Variants in XK observed in about 807,000 individuals in gnomAD.
XK encodes the protein X-linked Kx blood group antigen, Kell and VPS13A binding protein, also known as endoplasmic reticulum membrane adapter protein XK.
Under a neutral mutation model 14.0 loss-of-function variants are expected in XK, and 2 were observed. The ratio of observed to expected loss-of-function variants is 0.14; its 90% CI spans 0.06 to 0.45. The LOEUF is 0.45. XK is among the 20% of genes least tolerant of loss of function. The pLI, the probability that XK is intolerant of heterozygous loss-of-function variation, is 0.98. For synonymous variants in XK, 149 were observed against 147.5 expected, an observed-to-expected ratio of 1.01 and a Z score of -0.08; for missense variants, 235 against 341.5, an observed-to-expected ratio of 0.69 and a Z score of 2.46.
chrX:37,718,207 C>T (rs897959427), intron 2 of XK, among the ~76,000 whole-genome samples: 3 of 111,276 alleles, frequency 2.7e-5, no homozygotes, highest in African/African-American at 9.8e-5. Context: ...TCAGAATCCC[C>T]AAAAGACTCC....
chrX:37,726,997 C>T (rs781838591), intron 2 of XK, among the ~76,000 whole-genome samples: 106 of 111,811 alleles, frequency 9.5e-4, no homozygotes, highest in African/African-American at 3.3e-3. Flanking sequence ...TTTGGTTGGT[C>T]GGTCTTGATT....
intron 2 of XK, among the ~76,000 whole-genome samples, chrX:37,708,506 C>A: frequency 8.9e-6 from 1 of 112,311 alleles, no homozygotes; most frequent in South Asian, 3.7e-4. Flanking sequence ...TGTAAGACAA[C>A]AAACATTTGT....
At chrX:37,717,291 G>A (rs190107340) in intron 2 of XK, among the ~76,000 whole-genome samples, 1 of 111,656 alleles carries the variant, frequency 9.0e-6, no homozygotes, top group East Asian at 2.8e-4. Flanking sequence ...TTAAGGCTAC[G>A]ATTCTGGAGC....
rs1421722664 is a variant in XK, at chrX:37,688,260, G to A, written c.245+2054G>A. ...TTTTTGTATTTTTAGTAGAGACGGG[G>A]TTTCACCGTGCCAGCCAGGATGGTC... On this transcript the variant is annotated intron_variant, in intron 1 of 2. Coordinates refer to ENST00000378616, the MANE Select transcript of XK (RefSeq NM_021083.4). Among the ~76,000 whole-genome samples, 8 of 108,889 alleles carry A rather than the reference G, an allele frequency of 7.3e-5. No homozygotes were observed. In the Admixed American group the frequency reaches 7.9e-4, roughly 11 times the overall value. The allele number at this position is 108,889 out of a possible 115,157, so 94.6% of individuals were successfully genotyped here. A position where few individuals can be genotyped will look rare whatever the true frequency, so the allele number is the denominator to read the frequency against.
chrX:37,686,919 A>G (rs1569472234), intron 1 of XK, among the ~76,000 whole-genome samples: 1 of 112,172 alleles, frequency 8.9e-6, no homozygotes, highest in Non-Finnish European at 1.9e-5. Flanking sequence ...AATTTTTATT[A>G]ACACAAAGCA....
chrX:37,698,569 A>AAG (rs1927348588), intron 2 of XK, among the ~76,000 whole-genome samples: 1 of 102,317 alleles, frequency 9.8e-6, no homozygotes. Flanking sequence ...AAAAAAAAAA[A>AAG]GAGGAGGAAA....
chrX:37,715,104 GTA>G (rs1182651525), intron 2 of XK, among the ~76,000 whole-genome samples: 15 of 108,619 alleles, frequency 1.4e-4, no homozygotes, highest in African/African-American at 4.0e-4. Flanking sequence ...GTGTGTGTGT[GTA>G]TATATATATA....
chrX:37,699,225 A>ATATGAAGG (rs1342153745), intron 2 of XK, among the ~76,000 whole-genome samples: 5 of 112,159 alleles, frequency 4.5e-5, no homozygotes, highest in African/African-American at 1.6e-4. Context: ...GATTGATTGG[A>ATATGAAGG]TATGAAGGTG....
chrX:37,708,352 G>C (rs1927592841), intron 2 of XK, among the ~76,000 whole-genome samples: 1 of 111,669 alleles, frequency 9.0e-6, no homozygotes, highest in Non-Finnish European at 1.9e-5. Flanking sequence ...GGAGGGAAGA[G>C]GCAGGAGCCA....
chrX:37,720,115 T>C (rs1556448565), intron 2 of XK, among the ~76,000 whole-genome samples: 3 of 111,505 alleles, frequency 2.7e-5, no homozygotes, highest in African/African-American at 9.8e-5. Flanking sequence ...GGCCTGAATG[T>C]CAATATTTGC....
Position 37,718,905 on chromosome X carries a change from G to A in XK, c.509-8731G>A, listed in dbSNP as rs537871419. Among the ~76,000 whole-genome samples, 18 of 110,836 alleles carry A rather than the reference G, an allele frequency of 1.6e-4. No individual in the cohort carries two copies. The South Asian group carries it at 6.4e-3, about 40-fold the overall frequency. ...GTGAAATGACTGTTCAGGTATTTTC[G>A]CTCATTACAAAACTGAGTTGTATTT... is the stretch of plus-strand genomic sequence containing the variant. On this transcript the variant is annotated intron_variant, in intron 2 of 2. Transcript: ENST00000378616.
chrX:37,699,523 TG>T lies in XK; in HGVS notation c.508+4982del, dbSNP rs782642271. 2.7e-5 allele frequency among the ~76,000 whole-genome samples: 3 copies of T among 111,466 alleles called. No individual in the cohort carries two copies. The South Asian group carries it at 1.1e-3, about 43-fold the overall frequency. On this transcript the variant is annotated intron_variant, in intron 2 of 2. Coordinates refer to ENST00000378616, the MANE Select transcript of XK (RefSeq NM_021083.4). ...AAGTAAAACTGGTTTTATTACAGCA[TG>T]GGGGGGTGACATTTGAACCTCTACT...
At chrX:37,695,450 A>C (rs1556442352) in intron 2 of XK, among the ~76,000 whole-genome samples, 3 of 111,134 alleles carry the variant, frequency 2.7e-5, no homozygotes, top group South Asian at 7.5e-4. Flanking sequence ...AAAAAAAAAA[A>C]CACTATTTGC....
chrX:37,727,255 C>T (rs1457863428), intron 2 of XK, among the ~76,000 whole-genome samples: 1 of 111,424 alleles, frequency 9.0e-6, no homozygotes, highest in East Asian at 2.8e-4. Context: ...TATCACCATG[C>T]GTGACTAGAA....
In XK at chrX:37,728,059, C is replaced by A. The variant is rs782799321; in HGVS notation, c.932C>A (p.Ser311Tyr). The A allele has an allele frequency of 2.5e-6, 3 of 1,211,488 alleles. No individual in the cohort carries two copies. In the Admixed American group the frequency reaches 6.5e-5, roughly 26 times the overall value. Residue 311 changes from serine to tyrosine, a missense_variant, in exon 3 of 3, where the codon TCC becomes TAC. Physicochemically the swap from Ser to Tyr is moderately radical, Grantham distance 144. Transcript: ENST00000378616. ...KIDSPDLISK[S>Y]HNWYQLLVYY... ...GACAGCCCTGACCTCATCAGCAAGT[C>A]CCATAATTGGTACCAGCTACTGGTG...
chrX:37,717,276 A>T (rs1927784763), intron 2 of XK, among the ~76,000 whole-genome samples: 1 of 111,624 alleles, frequency 9.0e-6, no homozygotes, highest in Non-Finnish European at 1.9e-5. Context: ...AGAAGAGCCT[A>T]CTGGTTAAGG....
At chrX:37,689,987 G>A (rs1226820432) in intron 1 of XK, among the ~76,000 whole-genome samples, 4 of 111,072 alleles carry the variant, frequency 3.6e-5, no homozygotes, top group South Asian at 3.7e-4. Flanking sequence ...TTTATTACTG[G>A]TATAGTGAGG....
rs1197114715 is a variant in XK, at chrX:37,731,444, C to G, written c.*2982C>G. ...TTAATTGCTCTATGCCTCAGTTTCCCCATAATACCCTTTTCCAACCTACCT... is the reference window on the plus strand; with the variant it reads ...TTAATTGCTCTATGCCTCAGTTTCCGCATAATACCCTTTTCCAACCTACCT... On this transcript the variant is annotated 3_prime_UTR_variant, in exon 3 of 3. Coordinates refer to ENST00000378616, the MANE Select transcript of XK (RefSeq NM_021083.4). The G allele has an allele frequency of 8.9e-6, 1 of 111,952 alleles. No homozygotes were observed. The highest frequency in any genetic ancestry group is 1.9e-5 in the Non-Finnish European group (1 of 53,153). The allele number at this position is 111,952 out of a possible 1,213,427, so 9.2% of individuals were successfully genotyped here. A position where few individuals can be genotyped will look rare whatever the true frequency, so the allele number is the denominator to read the frequency against.
At chrX:37,707,825 A>G (rs1227045170) in intron 2 of XK, among the ~76,000 whole-genome samples, 2 of 112,491 alleles carry the variant, frequency 1.8e-5, no homozygotes, top group Non-Finnish European at 3.8e-5. Flanking sequence ...AGAGGCTGCA[A>G]TCTCGGCACT....
Sources: allele counts gnomAD v4.1 joint callset (sites outside exome capture counted in the v4.1 genomes callset), GRCh38; gene constraint gnomAD v4.1.1; transcripts MANE v1.5; gene names NCBI Gene and HGNC (gene_info 2026-07-23, HGNC 2026-07-21).